ST6GALNAC3: variants seen among roughly 807,000 people sequenced by gnomAD.
ST6GALNAC3 encodes the protein ST6 N-acetylgalactosaminide alpha-2,6-sialyltransferase 3.
Under a neutral mutation model 32.7 loss-of-function variants are expected in ST6GALNAC3, and 25 were observed. That is an observed-to-expected ratio of 0.76 (90% CI 0.56 to 1.07). ST6GALNAC3 has a LOEUF of 1.07. Among genes scored for constraint, ST6GALNAC3 ranks in the 50% least tolerant of loss-of-function variants. The pLI, the probability that ST6GALNAC3 is intolerant of heterozygous loss-of-function variation, is 0.00. For missense variants in ST6GALNAC3, 355 were observed against 382.4 expected (o/e 0.93, Z 0.60); for synonymous variants, 129 against 133.1 (o/e 0.97, Z 0.21).
intron 3 of ST6GALNAC3, among the ~76,000 whole-genome samples, chr1:76,584,814 T>A (rs1646937603): frequency 6.6e-6 from 1 of 152,218 alleles, no homozygotes; most frequent in African/African-American, 2.4e-5. Flanking sequence ...CAAAGGCCAA[T>A]TGACCTATTT....
At chr1:76,335,031 T>C (rs1355533293) in intron 2 of ST6GALNAC3, among the ~76,000 whole-genome samples, 1 of 152,208 alleles carries the variant, frequency 6.6e-6, no homozygotes, top group Non-Finnish European at 1.5e-5. Flanking sequence ...GAGCTGTATA[T>C]ATACTTTAAA....
At chr1:76,636,610 G>A (rs964429457), downstream of ST6GALNAC3, among the ~76,000 whole-genome samples, 1 of 152,028 alleles carries the variant, frequency 6.6e-6, no homozygotes, top group African/African-American at 2.4e-5. Flanking sequence ...GACCTTATAT[G>A]CATTCTCTCC....
intron 2 of ST6GALNAC3, among the ~76,000 whole-genome samples, chr1:76,392,820 C>T (rs555981314): frequency 1.3e-5 from 2 of 152,208 alleles, no homozygotes; most frequent in African/African-American, 4.8e-5. Flanking sequence ...AAGTTATAGG[C>T]TACACTGCAT....
chr1:76,326,719 G>T (rs899398361), intron 2 of ST6GALNAC3, among the ~76,000 whole-genome samples: 2 of 151,236 alleles, frequency 1.3e-5, no homozygotes, highest in African/African-American at 4.9e-5. Flanking sequence ...CTCTTAAAAT[G>T]ATATGTGTAA....
chr1:76,441,419 G>C (rs909305789), intron 3 of ST6GALNAC3, among the ~76,000 whole-genome samples: 2 of 152,020 alleles, frequency 1.3e-5, no homozygotes, highest in Non-Finnish European at 2.9e-5. Flanking sequence ...GCAGAGGAAG[G>C]AACTATAGGA....
At chr1:76,626,242 T>G (rs1346285083) in intron 3 of ST6GALNAC3, among the ~76,000 whole-genome samples, 1 of 151,880 alleles carries the variant, frequency 6.6e-6, no homozygotes, top group East Asian at 1.9e-4. Context: ...TATCAGTATC[T>G]AAGTGTCAGT....
Position 76,509,476 on chromosome 1 carries a change from G to A in ST6GALNAC3, c.623+97059G>A, listed in dbSNP as rs980698973. On this transcript the variant is annotated intron_variant, in intron 3 of 4. Coordinates refer to ENST00000328299, the MANE Select transcript of ST6GALNAC3 (RefSeq NM_152996.4). This position sits in a 1 kb window ranked among gnomAD's most constrained non-coding sequence, Gnocchi z 5.5. ...TCTGACACTTTGAAATGTAAGAGCA[G>A]TTCTTGAGGTATTGAATCTACATGA... Among the ~76,000 whole-genome samples, 10 of 152,116 alleles carry A rather than the reference G, an allele frequency of 6.6e-5. No individual in the cohort carries two copies. The highest frequency in any genetic ancestry group is 2.4e-4 in the African/African-American group (10 of 41,402).
intron 1 of ST6GALNAC3, among the ~76,000 whole-genome samples, chr1:76,155,024 T>C (rs1488978954): frequency 6.6e-6 from 1 of 152,180 alleles, no homozygotes; most frequent in Non-Finnish European, 1.5e-5. Flanking sequence ...AATCTTTTTA[T>C]TTTTTATTTT....
At chr1:76,220,229 T>C (rs1655691484) in intron 1 of ST6GALNAC3, among the ~76,000 whole-genome samples, 1 of 152,210 alleles carries the variant, frequency 6.6e-6, no homozygotes, top group African/African-American at 2.4e-5. Context: ...TGTAACAGTC[T>C]GCTTCTAGAT....
intron 2 of ST6GALNAC3, among the ~76,000 whole-genome samples, chr1:76,367,865 C>T (rs1371738996): frequency 1.3e-5 from 2 of 152,178 alleles, no homozygotes; most frequent in Non-Finnish European, 2.9e-5. Flanking sequence ...CTATAAAGGG[C>T]TCCATGAAGC....
chr1:76,107,511 T>G (rs941002322), intron 1 of ST6GALNAC3, among the ~76,000 whole-genome samples: 1 of 152,222 alleles, frequency 6.6e-6, no homozygotes, highest in African/African-American at 2.4e-5. Flanking sequence ...TTTGGTACCA[T>G]GATTATCTCC....
chr1:76,457,757 G>A (rs1377024020), intron 3 of ST6GALNAC3, among the ~76,000 whole-genome samples: 12 of 151,978 alleles, frequency 7.9e-5, no homozygotes, highest in East Asian at 3.9e-4. Flanking sequence ...AGATTTAAAC[G>A]TTAGACCTAA....
intron 1 of ST6GALNAC3, among the ~76,000 whole-genome samples, chr1:76,096,292 T>A (rs1022891580): frequency 6.6e-6 from 1 of 152,140 alleles, no homozygotes; most frequent in Non-Finnish European, 1.5e-5. Flanking sequence ...ATATTTAGTT[T>A]GCGAACCTGG....
chr1:76,157,601 C>A (rs183271523), intron 1 of ST6GALNAC3, among the ~76,000 whole-genome samples: 47 of 152,292 alleles, frequency 3.1e-4, no homozygotes, highest in Admixed American at 2.9e-3. Flanking sequence ...CCACAGATTG[C>A]TTTGTCACAT....
At chr1:76,134,623 GC>G (rs1649821801) in intron 1 of ST6GALNAC3, among the ~76,000 whole-genome samples, 1 of 152,102 alleles carries the variant, frequency 6.6e-6, no homozygotes, top group African/African-American at 2.4e-5. Context: ...TTAGGTGTGA[GC>G]CCCTCTAGAG....
chr1:76,164,160 T>G (rs1314983168), intron 1 of ST6GALNAC3, among the ~76,000 whole-genome samples: 1 of 152,188 alleles, frequency 6.6e-6, no homozygotes, highest in African/African-American at 2.4e-5. Flanking sequence ...TCTGTGATAC[T>G]GAGCCCCAGA....
intron 3 of ST6GALNAC3, among the ~76,000 whole-genome samples, chr1:76,480,684 T>G (rs1198717441): frequency 6.6e-6 from 1 of 152,148 alleles, no homozygotes; most frequent in Non-Finnish European, 1.5e-5. Context: ...GAACTCTCTT[T>G]TAGCAGTAAA....
rs1003295222 is a variant in ST6GALNAC3, at chr1:76,509,935, G to C, written c.623+97518G>C. On this transcript the variant is annotated intron_variant, in intron 3 of 4. Coordinates refer to ENST00000328299, the MANE Select transcript of ST6GALNAC3 (RefSeq NM_152996.4). The surrounding 1 kb of genome is among the most constrained non-coding windows in gnomAD (Gnocchi z 5.5). ...TGGCATGTAAAGCAACATATTCACA[G>C]GTTTCAAGTATTAGAGTGGGGATAT... Among the ~76,000 whole-genome samples, 2 of 152,136 alleles carry C rather than the reference G, an allele frequency of 1.3e-5. No individual in the cohort carries two copies. Among genetic ancestry groups the C allele is most frequent in the African/African-American group, 4.8e-5 (2 of 41,424 alleles).
chr1:76,307,601 A>G (rs1264702595), intron 1 of ST6GALNAC3, among the ~76,000 whole-genome samples: 1 of 152,180 alleles, frequency 6.6e-6, no homozygotes, highest in South Asian at 2.1e-4. Flanking sequence ...CATGTGAACA[A>G]AAGTGTATGC....
Sources: allele counts gnomAD v4.1 joint callset (sites outside exome capture counted in the v4.1 genomes callset), GRCh38; gene constraint gnomAD v4.1.1; non-coding constraint Gnocchi (gnomAD v3.1); transcripts MANE v1.5; gene names NCBI Gene and HGNC (gene_info 2026-07-23, HGNC 2026-07-21).